JAK2: variants seen among roughly 807,000 people sequenced by gnomAD.
JAK2 encodes tyrosine-protein kinase JAK2.
JAK2 carries 86 observed loss-of-function variants against 139.3 expected under a neutral mutation model. The ratio of observed to expected loss-of-function variants is 0.62; its 90% CI spans 0.52 to 0.74. JAK2 has a LOEUF of 0.74. Among genes scored for constraint, JAK2 ranks in the 30% least tolerant of loss-of-function variants. The pLI, the probability that JAK2 is intolerant of heterozygous loss-of-function variation, is 0.00. For missense variants in JAK2, 1,421 were observed against 1,360.3 expected (o/e 1.04, Z -0.70); for synonymous variants, 490 against 437.7 (o/e 1.12, Z -1.49).
At chr9:5,003,687 A>C (rs530510421) in intron 2 of JAK2, among the ~76,000 whole-genome samples, 4 of 152,152 alleles carry the variant, frequency 2.6e-5, no homozygotes, top group African/African-American at 9.6e-5. Context: ...AATCATCATA[A>C]CTTTTATTTA....
chr9:5,044,112 A>G (rs1316373609), intron 4 of JAK2, among the ~76,000 whole-genome samples: 1 of 152,214 alleles, frequency 6.6e-6, no homozygotes, highest in African/African-American at 2.4e-5. Flanking sequence ...GGATTAAGCT[A>G]TGTTTTTAAC....
At chr9:5,017,260 T>C (rs1822127455) in intron 2 of JAK2, among the ~76,000 whole-genome samples, 1 of 152,182 alleles carries the variant, frequency 6.6e-6, no homozygotes, top group Admixed American at 6.5e-5. Context: ...CTGAAAGGTC[T>C]ACTAAAAGAT....
chr9:5,003,026 G>C (rs1401579850), intron 2 of JAK2, among the ~76,000 whole-genome samples: 1 of 151,944 alleles, frequency 6.6e-6, no homozygotes, highest in Non-Finnish European at 1.5e-5. Context: ...TGGCACATCT[G>C]TTCCAAATTA....
At chr9:4,998,637 T>C (rs1225698786) in intron 2 of JAK2, among the ~76,000 whole-genome samples, 2 of 152,068 alleles carry the variant, frequency 1.3e-5, no homozygotes, top group East Asian at 3.9e-4. Flanking sequence ...TTGTGAATTA[T>C]AAATCTGGCT....
At position 5,109,783 on chromosome 9, in the gene JAK2, AAT is replaced by A. The variant is rs1822286190; in HGVS notation, c.3060-13218_3060-13217del. ...ACTATTTGTTACCTGTAGAATTCTC[AAT>A]ATGATATATAAACTCAGACCCTAAC... On this transcript the variant is annotated intron_variant, in intron 22 of 24. Transcript: ENST00000381652. The A allele has an allele frequency of 2.0e-5, 3 of 152,190 alleles. No homozygotes were observed. The South Asian group carries it at 6.2e-4, about 31-fold the overall frequency. 9.4% of individuals were successfully genotyped at this position (152,190 alleles called of 1,614,324 possible). A position where few individuals can be genotyped will look rare whatever the true frequency, so the allele number is the denominator to read the frequency against.
At chr9:5,101,197 C>T (rs1821453520) in intron 22 of JAK2, among the ~76,000 whole-genome samples, 1 of 152,238 alleles carries the variant, frequency 6.6e-6, no homozygotes, top group Non-Finnish European at 1.5e-5. Context: ...GCTTTTCCAA[C>T]AGTCTTACCA....
intron 3 of JAK2, among the ~76,000 whole-genome samples, chr9:5,024,539 G>T (rs940122314): frequency 6.6e-6 from 1 of 151,936 alleles, no homozygotes; most frequent in African/African-American, 2.4e-5. Context: ...TTTCTTCTAA[G>T]TTCTGTTCCT....
intron 3 of JAK2, among the ~76,000 whole-genome samples, chr9:5,025,956 G>T (rs1316610930): frequency 6.6e-6 from 1 of 152,098 alleles, no homozygotes; most frequent in Non-Finnish European, 1.5e-5. Context: ...AGCACTCTTT[G>T]TCTTCATAAC....
intron 4 of JAK2, among the ~76,000 whole-genome samples, chr9:5,038,632 A>C (rs930200154): frequency 3.3e-5 from 5 of 150,606 alleles, no homozygotes; most frequent in Non-Finnish European, 7.4e-5. Flanking sequence ...GAATATTTGC[A>C]GAGTATACGC....
chr9:5,123,152 T>C, intron 23 of JAK2, 31 bp downstream of exon 23: 1 of 1,441,030 alleles, frequency 6.9e-7, no homozygotes, highest in Non-Finnish European at 9.6e-7. Flanking sequence ...CTTTCAGTTT[T>C]TTGTTTGTTC....
intron 2 of JAK2, among the ~76,000 whole-genome samples, chr9:4,989,062 A>T (rs960282719): frequency 6.6e-6 from 1 of 152,176 alleles, no homozygotes; most frequent in South Asian, 2.1e-4. Flanking sequence ...ATTCCACTCT[A>T]ATACTCCTTA....
At chr9:5,093,670 G>A (rs1820757618) in intron 22 of JAK2, among the ~76,000 whole-genome samples, 1 of 152,120 alleles carries the variant, frequency 6.6e-6, no homozygotes, top group South Asian at 2.1e-4. Flanking sequence ...TAAGACCACA[G>A]TAGTCTAAGC....
intron 22 of JAK2, chr9:5,095,046 T>G (rs1328296180): frequency 6.8e-6 from 1 of 146,670 alleles, no homozygotes; most frequent in Non-Finnish European, 1.5e-5. Context: ...AAGAATTACT[T>G]TGATAGAGTA....
At chr9:5,006,177 T>C (rs904580350) in intron 2 of JAK2, among the ~76,000 whole-genome samples, 5 of 152,164 alleles carry the variant, frequency 3.3e-5, no homozygotes, top group African/African-American at 1.2e-4. Flanking sequence ...CATTGAGCAG[T>C]GGTTTGTAGT....
intron 14 of JAK2, among the ~76,000 whole-genome samples, chr9:5,074,466 T>TA (rs113659315): frequency 7.2e-5 from 11 of 152,060 alleles, no homozygotes; most frequent in Non-Finnish European, 1.3e-4. Flanking sequence ...TTTCAAACTT[T>TA]AAAAAAATCA....
chr9:5,058,559 A>G (rs900900042), intron 8 of JAK2, among the ~76,000 whole-genome samples: 2 of 152,176 alleles, frequency 1.3e-5, no homozygotes, highest in African/African-American at 2.4e-5. Context: ...GAGCCAAACC[A>G]TGTCATACCT....
At chr9:5,034,691 G>A (rs975829214) in intron 4 of JAK2, among the ~76,000 whole-genome samples, 11 of 151,876 alleles carry the variant, frequency 7.2e-5, no homozygotes, top group Admixed American at 2.0e-4. Context: ...TGAAACCAAC[G>A]AGAACAAAGA....
chr9:5,059,025 A>C, intron 8 of JAK2, among the ~76,000 whole-genome samples: 1 of 152,138 alleles, frequency 6.6e-6, no homozygotes. Context: ...CAGATGTTTT[A>C]AAGTTTTAGC....
intron 4 of JAK2, among the ~76,000 whole-genome samples, chr9:5,043,251 G>T (rs1426580419): frequency 6.6e-6 from 1 of 152,084 alleles, no homozygotes; most frequent in Admixed American, 6.5e-5. Flanking sequence ...TTTACCAAGT[G>T]TACGGAAATG....
Sources: gnomAD v4.1 joint callset for allele counts (sites outside exome capture counted in the v4.1 genomes callset) on GRCh38, gnomAD v4.1.1 for gene constraint, MANE v1.5 for transcripts, NCBI Gene and HGNC (gene_info 2026-07-23, HGNC 2026-07-21) for gene names.